Variants in STARD13 observed in about 807,000 individuals in gnomAD.
The protein encoded by STARD13 is stAR-related lipid transfer protein 13.
In STARD13, 62 loss-of-function variants were observed where a neutral mutation model predicts 106.4. The ratio of observed to expected loss-of-function variants is 0.58; its 90% confidence interval spans 0.48 to 0.72. The LOEUF (loss-of-function observed/expected upper bound fraction) is 0.72, where lower values mean the gene tolerates loss of function less well. STARD13 is among the 30% of genes least tolerant of loss of function. The pLI is 0.00. For missense variants in STARD13, 1,387 were observed against 1,424.0 expected (o/e 0.97, Z 0.42); for synonymous variants, 565 against 553.0 (o/e 1.02, Z -0.31).
At chr13:33,616,537 A>G in the STARD13 span, among the ~76,000 whole-genome samples, 1 of 152,218 alleles carries the variant, frequency 6.6e-6, no homozygotes, top group Non-Finnish European at 1.5e-5. Flanking sequence ...TCAGTCACTA[A>G]GGAGAAAATA....
chr13:33,310,079 G>T (rs1027151874), intron 1 of STARD13, among the ~76,000 whole-genome samples: 1 of 152,148 alleles, frequency 6.6e-6, no homozygotes, highest in Non-Finnish European at 1.5e-5. Flanking sequence ...CCAGTGTTTG[G>T]ATAGTTAGGA....
intron 1 of STARD13, among the ~76,000 whole-genome samples, chr13:33,324,161 T>C (rs1185113472): frequency 2.0e-5 from 3 of 152,242 alleles, no homozygotes; most frequent in Non-Finnish European, 4.4e-5. Context: ...GATATTTTTA[T>C]GCACTACTCA....
At chr13:33,634,104 A>G in the STARD13 span, among the ~76,000 whole-genome samples, 1 of 152,250 alleles carries the variant, frequency 6.6e-6, no homozygotes, top group Non-Finnish European at 1.5e-5. Context: ...GCCATCATAT[A>G]AACATGGATT....
chr13:33,296,772 C>T lies in STARD13; in HGVS notation c.124+53518G>A, dbSNP rs568621636. ...TAGCTGGGATTACAGGGGCCCCCCA[C>T]CACGCCCAGCTAATTTTTGTATTTT... On this transcript the variant is annotated intron_variant, in intron 1 of 5. Transcript: ENST00000567873. Among the ~76,000 whole-genome samples, 645 of 152,308 alleles carry T rather than the reference C, an allele frequency of 4.2e-3. 3 individuals are homozygous for T. Among genetic ancestry groups the T allele is most frequent in the Middle Eastern group, 0.01 (3 of 294 alleles).
At chr13:33,622,634 A>AAAAAAAG in the STARD13 span, among the ~76,000 whole-genome samples, 1 of 148,226 alleles carries the variant, frequency 6.7e-6, no homozygotes, top group Non-Finnish European at 1.5e-5. Flanking sequence ...AAAAAAAAAA[A>AAAAAAAG]AAAAAGGCTG....
chr13:33,279,264 A>G (rs1457744372), intron 1 of STARD13, among the ~76,000 whole-genome samples: 3 of 152,172 alleles, frequency 2.0e-5, no homozygotes, highest in Non-Finnish European at 4.4e-5. Flanking sequence ...ATCAATTGAT[A>G]CTATTAAGAC....
chr13:33,186,080 G>T, intron 1 of STARD13: 2 of 1,596,390 alleles, frequency 1.3e-6, no homozygotes, highest in Non-Finnish European at 1.7e-6. Context: ...CATGTTTCCG[G>T]TTGCTAACAG....
chr13:33,104,927 C>T lies in STARD13; in HGVS notation c.*666G>A, dbSNP rs542154167. On this transcript the variant is annotated 3_prime_UTR_variant, in exon 14 of 14. Transcript: ENST00000336934. ...TTTAAGGAGGAGTAATTATTATTTC[C>T]TTGCTTTATCCCAGATCTCCACTCT... The T allele has an allele frequency of 6.5e-6, 1 of 153,080 alleles. No individual in the cohort carries two copies. The highest frequency in any genetic ancestry group is 1.9e-4 in the East Asian group (1 of 5,166). The allele number at this position is 153,080 out of a possible 1,614,324, so 9.5% of individuals were successfully genotyped here.
the STARD13 span, among the ~76,000 whole-genome samples, chr13:33,671,554 G>A: frequency 1.3e-5 from 2 of 151,924 alleles, no homozygotes; most frequent in Non-Finnish European, 2.9e-5. Flanking sequence ...ACATAGCATG[G>A]CCTCCTGTCT....
At chr13:33,571,404 G>A in the STARD13 span, among the ~76,000 whole-genome samples, 3 of 152,078 alleles carry the variant, frequency 2.0e-5, no homozygotes, top group Non-Finnish European at 4.4e-5. Flanking sequence ...AATGTCTAGT[G>A]TGTAGATAGT....
the STARD13 span, among the ~76,000 whole-genome samples, chr13:33,645,484 T>C: frequency 2.0e-5 from 3 of 152,212 alleles, no homozygotes; most frequent in African/African-American, 7.2e-5. Context: ...AGGGGTGTTC[T>C]GTTACACAGA....
At chr13:33,465,201 CTTTTT>C in the STARD13 span, among the ~76,000 whole-genome samples, 3 of 60,644 alleles carry the variant, frequency 4.9e-5, no homozygotes, top group Non-Finnish European at 7.5e-5. Context: ...TGGTCTTCTT[CTTTTT>C]TTTTTTTTTT....
chr13:33,437,149 G>GACCCCT, the STARD13 span, among the ~76,000 whole-genome samples: 1 of 152,186 alleles, frequency 6.6e-6, no homozygotes, highest in African/African-American at 2.4e-5. Context: ...ATTAAAGATT[G>GACCCCT]ACCCCTAACC....
At chr13:33,121,448 A>G (rs1876287384) in intron 7 of STARD13, among the ~76,000 whole-genome samples, 1 of 151,766 alleles carries the variant, frequency 6.6e-6, no homozygotes, top group African/African-American at 2.4e-5. Context: ...GGTGCCTGGA[A>G]TCCCAGCTAC....
intron 1 of STARD13, among the ~76,000 whole-genome samples, chr13:33,324,712 A>C (rs570077365): frequency 9.9e-4 from 150 of 152,258 alleles, no homozygotes; most frequent in African/African-American, 3.4e-3. Context: ...AATTTTTAGC[A>C]TTTGTATGTT....
At chr13:33,306,895 C>A (rs190508991) in intron 1 of STARD13, among the ~76,000 whole-genome samples, 1 of 151,640 alleles carries the variant, frequency 6.6e-6, no homozygotes, top group Non-Finnish European at 1.5e-5. Flanking sequence ...GGTTGTAGTG[C>A]GCCAAGATTG....
At position 33,129,237 on chromosome 13, in the gene STARD13, A is replaced by T. The variant is rs755590548; in HGVS notation, c.1440T>A (p.Asp480Glu). 5.0e-6 allele frequency: 8 copies of T among 1,614,242 alleles called. No homozygotes were observed. In the Admixed American group the frequency reaches 1.3e-4, roughly 27 times the overall value. ...STGDLLDLEKDDLFPHLDDIL... is the reference protein window; with the variant it reads ...STGDLLDLEKEDLFPHLDDIL... ...TGTCATCCAAGTGAGGGAAAAGGTCATCTTTCTCCAAGTCCAAAAGATCTC... is the reference window on the plus strand; with the variant it reads ...TGTCATCCAAGTGAGGGAAAAGGTCTTCTTTCTCCAAGTCCAAAAGATCTC... The change falls in exon 5 of 14, where the codon GAT becomes GAA. Residue 480 changes from aspartate to glutamate, a missense_variant. Coordinates refer to ENST00000336934, the MANE Select transcript of STARD13 (RefSeq NM_178006.4).
the STARD13 span, among the ~76,000 whole-genome samples, chr13:33,523,938 T>C: frequency 6.6e-6 from 1 of 152,112 alleles, no homozygotes; most frequent in Non-Finnish European, 1.5e-5. Flanking sequence ...TTACTAAAAA[T>C]GAAGAGATGA....
chr13:33,400,664 T>C, the STARD13 span, among the ~76,000 whole-genome samples: 126 of 152,204 alleles, frequency 8.3e-4, 1 homozygote, highest in Non-Finnish European at 1.5e-3. Context: ...GGGGTTTCAC[T>C]GTGTTAGCCA....
Sources: gnomAD v4.1 joint callset for allele counts (sites outside exome capture counted in the v4.1 genomes callset) on GRCh38, gnomAD v4.1.1 for gene constraint, MANE v1.5 for transcripts, NCBI Gene and HGNC (gene_info 2026-07-23, HGNC 2026-07-21) for gene names.